GPC5: variants seen among roughly 807,000 people sequenced by gnomAD.
The protein encoded by GPC5 is glypican-5.
In GPC5, 47 loss-of-function variants were observed where a neutral mutation model predicts 53.9. The ratio of observed to expected loss-of-function variants is 0.87; its 90% CI spans 0.69 to 1.11. The LOEUF is 1.11. GPC5 is among the 50% of genes most tolerant of loss of function. GPC5 has a pLI of 0.00. For synonymous variants in GPC5, 286 were observed against 263.3 expected, an observed-to-expected ratio of 1.09 and a Z score of -0.84; for missense variants, 748 against 713.1, an observed-to-expected ratio of 1.05 and a Z score of -0.56.
At chr13:92,674,575 AGGAGCTTCATG>A (rs1886869033) in intron 7 of GPC5, among the ~76,000 whole-genome samples, 1 of 148,130 alleles carries the variant, frequency 6.8e-6, no homozygotes. Context: ...TTCTTGAAGC[AGGAGCTTCATG>A]AAGCTCTTCT....
At chr13:91,546,525 T>A (rs575606843) in intron 2 of GPC5, among the ~76,000 whole-genome samples, 107 of 152,242 alleles carry the variant, frequency 7.0e-4, no homozygotes, top group East Asian at 2.1e-3. Context: ...ATCAATTTTT[T>A]AAAATTTTTT....
intron 7 of GPC5, among the ~76,000 whole-genome samples, chr13:92,533,231 TA>T (rs1881620503): frequency 6.6e-6 from 1 of 152,192 alleles, no homozygotes; most frequent in African/African-American, 2.4e-5. Flanking sequence ...TGTACAAATG[TA>T]AACTTAACTT....
intron 7 of GPC5, among the ~76,000 whole-genome samples, chr13:92,786,164 C>T (rs950304880): frequency 2.0e-5 from 3 of 152,112 alleles, no homozygotes; most frequent in South Asian, 2.1e-4. Context: ...TGCTAAGCCA[C>T]GGCTCTTTAC....
intron 7 of GPC5, among the ~76,000 whole-genome samples, chr13:92,172,574 A>G (rs115205977): frequency 6.6e-6 from 1 of 152,094 alleles, no homozygotes; most frequent in African/African-American, 2.4e-5. Flanking sequence ...GTATTGGAAA[A>G]TTTTCAAGTG....
intron 7 of GPC5, among the ~76,000 whole-genome samples, chr13:92,633,069 T>G (rs1885305585): frequency 6.6e-6 from 1 of 152,150 alleles, no homozygotes; most frequent in Non-Finnish European, 1.5e-5. Flanking sequence ...TTTTGTATTT[T>G]TAGTAAAGAC....
intron 4 of GPC5, among the ~76,000 whole-genome samples, chr13:91,741,965 AC>A (rs1194457666): frequency 2.0e-5 from 3 of 152,168 alleles, no homozygotes; most frequent in Non-Finnish European, 1.5e-5. Flanking sequence ...TTACCTGTAA[AC>A]TTAACTTGTG....
chr13:92,158,800 T>A (rs2041964515), intron 7 of GPC5, among the ~76,000 whole-genome samples: 1 of 152,208 alleles, frequency 6.6e-6, no homozygotes, highest in Admixed American at 6.5e-5. Flanking sequence ...ACTCCAGCCA[T>A]CATGTAATCT....
chr13:92,759,320 T>G (rs971969188), intron 7 of GPC5, among the ~76,000 whole-genome samples: 6 of 152,032 alleles, frequency 3.9e-5, no homozygotes, highest in African/African-American at 1.4e-4. Flanking sequence ...TGGATCTATA[T>G]ATTACTTTAT....
At chr13:92,074,186 A>G (rs1233588997) in intron 6 of GPC5, among the ~76,000 whole-genome samples, 1 of 152,176 alleles carries the variant, frequency 6.6e-6, no homozygotes, top group Non-Finnish European at 1.5e-5. Flanking sequence ...GATGGAGGAG[A>G]GAGCAAGAGT....
chr13:92,453,392 T>G (rs1454224573), intron 7 of GPC5, among the ~76,000 whole-genome samples: 1 of 152,044 alleles, frequency 6.6e-6, no homozygotes, highest in Non-Finnish European at 1.5e-5. Context: ...GGTATGAACA[T>G]TAACATGGAA....
intron 7 of GPC5, chr13:92,701,483 T>G (rs949274629): frequency 6.6e-6 from 1 of 152,140 alleles, no homozygotes; most frequent in African/African-American, 2.4e-5. Flanking sequence ...CAGGGATTTT[T>G]CAGGGTCTGA....
intron 7 of GPC5, among the ~76,000 whole-genome samples, chr13:92,496,974 G>GT (rs1880003573): frequency 6.6e-6 from 1 of 152,190 alleles, no homozygotes; most frequent in Non-Finnish European, 1.5e-5. Flanking sequence ...GCATTAAAAA[G>GT]TTTAAGTTCC....
chr13:92,826,252 G>C (rs1877843190), intron 7 of GPC5, among the ~76,000 whole-genome samples: 1 of 152,068 alleles, frequency 6.6e-6, no homozygotes. Context: ...TATTCTGGGA[G>C]GGCCTTACTT....
chr13:92,071,193 G>T (rs117431206), intron 6 of GPC5, among the ~76,000 whole-genome samples: 7,620 of 152,172 alleles, frequency 0.05, 253 homozygotes, highest in Non-Finnish European at 0.077. Context: ...CCAAGATTGT[G>T]CCACTACAAT....
intron 7 of GPC5, among the ~76,000 whole-genome samples, chr13:92,511,962 G>A (rs565758212): frequency 6.6e-6 from 1 of 152,198 alleles, no homozygotes; most frequent in South Asian, 2.1e-4. Flanking sequence ...GAACATCCCT[G>A]TAGTGAAGTT....
intron 7 of GPC5, among the ~76,000 whole-genome samples, chr13:92,245,518 G>A (rs997676669): frequency 6.6e-6 from 1 of 152,110 alleles, no homozygotes; most frequent in Admixed American, 6.5e-5. Flanking sequence ...CTAAATAATT[G>A]TGGTGAAGAA....
chr13:91,463,191 A>C (rs678686), intron 2 of GPC5, among the ~76,000 whole-genome samples: 114,481 of 151,988 alleles, frequency 0.75, 46,288 homozygotes, highest in Non-Finnish European at 0.91. Flanking sequence ...AATCATCTCT[A>C]GATTACTTAA....
chr13:92,368,220 A>G (rs902011775), intron 7 of GPC5, among the ~76,000 whole-genome samples: 8 of 151,548 alleles, frequency 5.3e-5, no homozygotes, highest in Non-Finnish European at 8.8e-5. Context: ...CCTGACCTCA[A>G]GTGATCCGCC....
intron 7 of GPC5, among the ~76,000 whole-genome samples, chr13:92,165,255 G>A (rs991912379): frequency 2.0e-4 from 31 of 152,102 alleles, no homozygotes; most frequent in Non-Finnish European, 3.7e-4. Context: ...TTTTCTGAAC[G>A]TTTATGCTCT....
Sources: allele counts gnomAD v4.1 joint callset (sites outside exome capture counted in the v4.1 genomes callset), GRCh38; gene constraint gnomAD v4.1.1; transcripts MANE v1.5; gene names NCBI Gene and HGNC (gene_info 2026-07-23, HGNC 2026-07-21).